DEUP1: variants seen among roughly 807,000 people sequenced by gnomAD.
DEUP1 encodes coiled-coil domain containing 67.
In DEUP1, 82 loss-of-function variants were observed where a neutral mutation model predicts 87.4. The ratio of observed to expected loss-of-function variants is 0.94; its 90% CI spans 0.78 to 1.13. The LOEUF is 1.13. Among genes scored for constraint, DEUP1 ranks in the 50% most tolerant of loss-of-function variants. The pLI is 0.00. For missense variants in DEUP1, 663 were observed against 681.5 expected, an observed-to-expected ratio of 0.97 and a Z score of 0.30; for synonymous variants, 214 against 222.7, an observed-to-expected ratio of 0.96 and a Z score of 0.35.
At chr11:93,369,823 C>T (rs1212821816) in intron 5 of DEUP1, among the ~76,000 whole-genome samples, 1 of 39,074 alleles carries the variant, frequency 2.6e-5, no homozygotes, top group African/African-American at 1.1e-4. Flanking sequence ...CCCAGCTTCT[C>T]GGGAGGCTGA....
chr11:93,427,752 C>G (rs1275143961), intron 13 of DEUP1, among the ~76,000 whole-genome samples: 5 of 142,224 alleles, frequency 3.5e-5, no homozygotes, highest in Non-Finnish European at 6.2e-5. Context: ...TATCCAGAAT[C>G]TACAATCGAC....
intron 2 of DEUP1, among the ~76,000 whole-genome samples, chr11:93,337,543 G>A (rs12421032): frequency 0.33 from 50,041 of 151,796 alleles, 8,708 homozygotes; most frequent in Non-Finnish European, 0.4. Context: ...CCATATACAC[G>A]TATATTCCTC....
intron 4 of DEUP1, among the ~76,000 whole-genome samples, chr11:93,360,030 G>T (rs1262350214): frequency 6.6e-6 from 1 of 152,116 alleles, no homozygotes; most frequent in Admixed American, 6.5e-5. Flanking sequence ...CTCTCGGGTG[G>T]TATCATAGGA....
At chr11:93,333,307 C>A (rs1000434841) in intron 2 of DEUP1, among the ~76,000 whole-genome samples, 2 of 152,194 alleles carry the variant, frequency 1.3e-5, no homozygotes, top group African/African-American at 4.8e-5. Context: ...ATTGGTTTGG[C>A]AACTCTGCCA....
chr11:93,395,442 G>A (rs1304315078), intron 10 of DEUP1, among the ~76,000 whole-genome samples: 2 of 152,156 alleles, frequency 1.3e-5, no homozygotes, highest in African/African-American at 4.8e-5. Flanking sequence ...TTGCCCAGTT[G>A]TAAGCCTTAA....
intron 7 of DEUP1, 141 bp downstream of exon 7, chr11:93,371,421 C>A: frequency 1.1e-6 from 1 of 937,498 alleles, no homozygotes; most frequent in Non-Finnish European, 1.6e-6. Flanking sequence ...CTTAGTAATT[C>A]GCACTTGATG....
At chr11:93,383,463 G>A in intron 7 of DEUP1, 1 of 506,202 alleles carries the variant, frequency 2.0e-6, no homozygotes, top group Non-Finnish European at 3.5e-6. Flanking sequence ...GGAGCTGGAG[G>A]AAGGGGAAAA....
At chr11:93,410,220 T>C (rs959951398) in intron 12 of DEUP1, among the ~76,000 whole-genome samples, 22 of 151,920 alleles carry the variant, frequency 1.4e-4, no homozygotes, top group Non-Finnish European at 1.3e-4. Flanking sequence ...CCTTTTCAGG[T>C]AAAGAAGCGA....
chr11:93,408,224 T>C lies in DEUP1; in HGVS notation c.1327-7T>C. 3 of 1,528,612 alleles carry C rather than the reference T, an allele frequency of 2.0e-6. No homozygotes were observed. Among genetic ancestry groups the C allele is most frequent in the Non-Finnish European group, 2.6e-6 (3 of 1,136,982 alleles). 94.7% of individuals were successfully genotyped at this position (1,528,612 alleles called of 1,614,324 possible). A position where few individuals can be genotyped will look rare whatever the true frequency, so the allele number is the denominator to read the frequency against. On this transcript the variant is annotated splice_polypyrimidine_tract_variant and splice_region_variant and intron_variant, in intron 11 of 13. Transcript: ENST00000298050. ...TTTATTCAATGATAGTTTATTTTAT[T>C]CTCTAGAGTATGGACTTCACTAACA...
At chr11:93,406,065 A>G (rs1947267645) in intron 11 of DEUP1, among the ~76,000 whole-genome samples, 1 of 152,050 alleles carries the variant, frequency 6.6e-6, no homozygotes, top group Admixed American at 6.6e-5. Flanking sequence ...AATATATCCT[A>G]TTTTTTAAAA....
chr11:93,432,912 G>A (rs903952529), intron 13 of DEUP1, among the ~76,000 whole-genome samples: 2 of 152,128 alleles, frequency 1.3e-5, no homozygotes, highest in Non-Finnish European at 2.9e-5. Flanking sequence ...TGCTATGTGG[G>A]TGGATGCCTG....
chr11:93,429,930 C>T (rs560365161), intron 13 of DEUP1, among the ~76,000 whole-genome samples: 282 of 152,240 alleles, frequency 1.9e-3, no homozygotes, highest in African/African-American at 6.2e-3. Context: ...AAAAATCCTA[C>T]GGGAAGCCAC....
Position 93,355,489 on chromosome 11 carries a change from C to T in DEUP1, c.148C>T (p.Arg50Trp), listed in dbSNP as rs375780576. ...MRALETRLDL[R>W]DQELANAQTC... Reference sequence around the variant, plus strand: ...GGCTTTGGAGACACGATTAGATCTTCGGGATCAAGAATTGGCAAATGCACA... The same window carrying T: ...GGCTTTGGAGACACGATTAGATCTTTGGGATCAAGAATTGGCAAATGCACA... Residue 50 changes from arginine to tryptophan, a missense_variant, in exon 3 of 14, where the codon CGG (arginine) becomes TGG (tryptophan). Coordinates refer to ENST00000298050, the MANE Select transcript of DEUP1 (RefSeq NM_181645.4). 102 of 1,613,526 alleles carry T rather than the reference C, an allele frequency of 6.3e-5. No individual in the cohort carries two copies. In the South Asian group the frequency reaches 6.9e-4, roughly 11 times the overall value.
At chr11:93,341,697 G>A (rs190423849) in intron 2 of DEUP1, among the ~76,000 whole-genome samples, 53 of 152,162 alleles carry the variant, frequency 3.5e-4, no homozygotes, top group African/African-American at 4.8e-5. Flanking sequence ...ACACCAGCCC[G>A]GATGACAGAG....
intron 2 of DEUP1, among the ~76,000 whole-genome samples, chr11:93,339,003 A>G (rs1245209479): frequency 6.6e-6 from 1 of 152,216 alleles, no homozygotes; most frequent in Admixed American, 6.5e-5. Flanking sequence ...GGGACAAAAC[A>G]TACCCATGTG....
At chr11:93,352,674 G>T (rs1192740124) in intron 2 of DEUP1, among the ~76,000 whole-genome samples, 1 of 152,192 alleles carries the variant, frequency 6.6e-6, no homozygotes, top group Non-Finnish European at 1.5e-5. Context: ...AGCTGGGAAG[G>T]CCTCAGATTC....
chr11:93,346,155 A>G (rs997322599), intron 2 of DEUP1, among the ~76,000 whole-genome samples: 1 of 152,204 alleles, frequency 6.6e-6, no homozygotes, highest in Non-Finnish European at 1.5e-5. Flanking sequence ...GTTGAAGATC[A>G]GATGGTTGTA....
In DEUP1 at chr11:93,398,167, C is replaced by T. The variant is rs1591223709; in HGVS notation, c.1326+1842C>T. Among the ~76,000 whole-genome samples, 6 of 152,190 alleles carry T rather than the reference C, an allele frequency of 3.9e-5. No homozygotes were observed. In the South Asian group the frequency reaches 1.2e-3, roughly 32 times the overall value. On this transcript the variant is annotated intron_variant, in intron 11 of 13. Coordinates refer to ENST00000298050, the MANE Select transcript of DEUP1 (RefSeq NM_181645.4). The stretch of plus-strand genomic sequence containing the variant: ...ATCTTTTTAAAGTTGAATCATAACA[C>T]GTACTTCTCTGTGTCCTGTTTTTGT...
intron 13 of DEUP1, among the ~76,000 whole-genome samples, chr11:93,418,291 G>C (rs1244375736): frequency 1.3e-5 from 2 of 151,936 alleles, no homozygotes; most frequent in African/African-American, 4.8e-5. Context: ...ATCTGACAAA[G>C]GGCTAATATC....
Sources: allele counts gnomAD v4.1 joint callset (sites outside exome capture counted in the v4.1 genomes callset), GRCh38; gene constraint gnomAD v4.1.1; transcripts MANE v1.5; gene names NCBI Gene and HGNC (gene_info 2026-07-23, HGNC 2026-07-21).